UNC13C: variants seen among roughly 807,000 people sequenced by gnomAD.
UNC13C encodes protein unc-13 homolog C.
UNC13C carries 174 observed loss-of-function variants against 245.4 expected under a neutral mutation model. The observed-to-expected ratio is 0.71, with a 90% CI of 0.63 to 0.80. UNC13C has a LOEUF of 0.80. UNC13C is among the 30% of genes least tolerant of loss of function. UNC13C has a pLI of 0.00. For synonymous variants in UNC13C, 992 were observed against 895.1 expected (o/e 1.11, Z -1.93); for missense variants, 2,829 against 2,602.9 (o/e 1.09, Z -1.89).
downstream of UNC13C, chr15:54,633,369 G>A (rs1441285205): frequency 6.6e-6 from 1 of 152,122 alleles, no homozygotes; most frequent in Non-Finnish European, 1.5e-5. Flanking sequence ...TCTTCTGTAT[G>A]TGTACAAGAG....
intron 19 of UNC13C, among the ~76,000 whole-genome samples, chr15:54,453,693 T>C (rs1891311193): frequency 6.6e-6 from 1 of 152,252 alleles, no homozygotes; most frequent in Admixed American, 6.5e-5. Flanking sequence ...TGACAAATTT[T>C]TTTCTGATGT....
chr15:54,349,391 A>T (rs2038930699), intron 17 of UNC13C, among the ~76,000 whole-genome samples: 1 of 151,922 alleles, frequency 6.6e-6, no homozygotes, highest in Admixed American at 6.5e-5. Context: ...GTAAAAAATG[A>T]AACCATAATA....
At chr15:54,193,713 A>T (rs577089402) in intron 4 of UNC13C, among the ~76,000 whole-genome samples, 7 of 152,314 alleles carry the variant, frequency 4.6e-5, no homozygotes, top group African/African-American at 1.7e-4. Context: ...ATAAGATGTT[A>T]AGTGATCTAG....
At chr15:54,106,115 G>A (rs1365316895) in intron 2 of UNC13C, among the ~76,000 whole-genome samples, 1 of 152,150 alleles carries the variant, frequency 6.6e-6, no homozygotes, top group African/African-American at 2.4e-5. Flanking sequence ...AGTCTCTCTA[G>A]ATCCCTTAAC....
intron 28 of UNC13C, among the ~76,000 whole-genome samples, chr15:54,552,749 A>T (rs796076883): frequency 1.3e-5 from 1 of 77,424 alleles, no homozygotes; most frequent in Non-Finnish European, 2.2e-5. Context: ...TATATTATAT[A>T]GTACAATATA....
chr15:54,495,183 A>C (rs1435153043), intron 20 of UNC13C, among the ~76,000 whole-genome samples: 1 of 152,050 alleles, frequency 6.6e-6, no homozygotes, highest in Non-Finnish European at 1.5e-5. Flanking sequence ...GCCTCTTTCA[A>C]ACACATTTTA....
intron 2 of UNC13C, among the ~76,000 whole-genome samples, chr15:54,060,178 G>C (rs2141073870): frequency 6.6e-6 from 1 of 152,226 alleles, no homozygotes; most frequent in East Asian, 1.9e-4. Context: ...GAGTGAACAG[G>C]CAACCTACAG....
chr15:53,844,227 C>A, the UNC13C span, among the ~76,000 whole-genome samples: 3 of 152,056 alleles, frequency 2.0e-5, no homozygotes, highest in Admixed American at 6.6e-5. Context: ...AGGAAGATCA[C>A]CACTGAGAAT....
chr15:54,133,798 A>C (rs1455984097), intron 2 of UNC13C, among the ~76,000 whole-genome samples: 1 of 152,172 alleles, frequency 6.6e-6, no homozygotes, highest in Non-Finnish European at 1.5e-5. Flanking sequence ...ATATCTGTAT[A>C]TACATATATG....
At chr15:53,875,523 G>C in the UNC13C span, among the ~76,000 whole-genome samples, 2 of 152,046 alleles carry the variant, frequency 1.3e-5, no homozygotes, top group Non-Finnish European at 2.9e-5. Flanking sequence ...ATTAGATCAG[G>C]GGTGAAGATT....
chr15:54,185,655 G>A (rs1048891615), intron 4 of UNC13C, among the ~76,000 whole-genome samples: 1 of 146,916 alleles, frequency 6.8e-6, no homozygotes, highest in Non-Finnish European at 1.5e-5. Context: ...CCAGTACCAT[G>A]CTGTTTTGGT....
chr15:54,620,969 G>A (rs1049820143), intron 30 of UNC13C, among the ~76,000 whole-genome samples: 6 of 152,094 alleles, frequency 3.9e-5, no homozygotes, highest in South Asian at 2.1e-4. Context: ...GTGGTGAGGG[G>A]TCATTGTCTA....
At chr15:54,057,887 G>T (rs1294986181) in intron 2 of UNC13C, among the ~76,000 whole-genome samples, 1 of 152,190 alleles carries the variant, frequency 6.6e-6, no homozygotes, top group Non-Finnish European at 1.5e-5. Context: ...AACGAAGGCA[G>T]AAATAAAGAT....
intron 2 of UNC13C, among the ~76,000 whole-genome samples, chr15:54,082,189 A>G (rs1898979117): frequency 6.6e-6 from 1 of 152,066 alleles, no homozygotes; most frequent in Non-Finnish European, 1.5e-5. Flanking sequence ...CCTTTACTCT[A>G]TGCCTTCAAG....
At chr15:54,533,245 C>T (rs1895841891) in intron 26 of UNC13C, among the ~76,000 whole-genome samples, 179 bp downstream of exon 26, 1 of 151,746 alleles carries the variant, frequency 6.6e-6, no homozygotes, top group Non-Finnish European at 1.5e-5. Flanking sequence ...TAATTGATTA[C>T]TAGATAAAAA....
intron 13 of UNC13C, among the ~76,000 whole-genome samples, chr15:54,313,371 G>C (rs748995088): frequency 2.6e-5 from 4 of 151,662 alleles, no homozygotes; most frequent in African/African-American, 4.8e-5. Flanking sequence ...ACTTTAATTT[G>C]TTTTAATTAA....
At chr15:54,385,346 T>C (rs1488396651) in intron 17 of UNC13C, among the ~76,000 whole-genome samples, 1 of 152,032 alleles carries the variant, frequency 6.6e-6, no homozygotes, top group East Asian at 1.9e-4. Flanking sequence ...ATATTCATAA[T>C]AGAATACTAC....
the UNC13C span, among the ~76,000 whole-genome samples, chr15:53,969,732 A>G: frequency 6.6e-6 from 1 of 151,740 alleles, no homozygotes; most frequent in Admixed American, 6.6e-5. Flanking sequence ...AATCCCATAC[A>G]CTTAACATAA....
chr15:54,448,729 A>G (rs149375043), intron 19 of UNC13C, among the ~76,000 whole-genome samples: 162 of 152,222 alleles, frequency 1.1e-3, no homozygotes, highest in Non-Finnish European at 1.7e-3. Flanking sequence ...TCTCTATCCA[A>G]TTTGCCAGTC....
Sources: allele counts gnomAD v4.1 joint callset (sites outside exome capture counted in the v4.1 genomes callset), GRCh38; gene constraint gnomAD v4.1.1; transcripts MANE v1.5; gene names NCBI Gene and HGNC (gene_info 2026-07-23, HGNC 2026-07-21).